Variants in GLTP observed in about 807,000 individuals in gnomAD.
GLTP encodes the protein glycolipid transfer protein.
Under a neutral mutation model 24.0 loss-of-function variants are expected in GLTP, and 22 were observed. The observed-to-expected ratio is 0.92, with a 90% CI of 0.65 to 1.31. The LOEUF is 1.31. Among genes scored for constraint, GLTP ranks in the 50% most tolerant of loss-of-function variants. The pLI is 0.00. For synonymous variants in GLTP, 92 were observed against 115.9 expected (o/e 0.79, Z 1.33); for missense variants, 224 against 276.6 (o/e 0.81, Z 1.35).
At chr12:109,852,814 G>A in intron 4 of GLTP, 77 bp from the exon 5 acceptor site, 1 of 902,444 alleles carries the variant, frequency 1.1e-6, no homozygotes, top group South Asian at 1.5e-5. Flanking sequence ...CAGGGTTCTG[G>A]GAGGGGTCTT....
At chr12:109,862,227 A>G (rs1868382865) in intron 1 of GLTP, among the ~76,000 whole-genome samples, 1 of 152,118 alleles carries the variant, frequency 6.6e-6, no homozygotes, top group Non-Finnish European at 1.5e-5. Flanking sequence ...CCTGCCAAGC[A>G]TCAATGGGGT....
intron 1 of GLTP, among the ~76,000 whole-genome samples, chr12:109,879,050 G>A (rs1284638237): frequency 6.6e-6 from 1 of 152,126 alleles, no homozygotes; most frequent in African/African-American, 2.4e-5. Flanking sequence ...CAGCATCCCC[G>A]TTTCACAGCT....
chr12:109,854,275 G>A (rs1382602210), intron 4 of GLTP, among the ~76,000 whole-genome samples: 7 of 149,914 alleles, frequency 4.7e-5, no homozygotes, highest in African/African-American at 1.7e-4. Context: ...CTGGAGAATC[G>A]CTTGAGCCTG....
intron 1 of GLTP, among the ~76,000 whole-genome samples, chr12:109,878,815 T>TA (rs1565901653): frequency 6.6e-6 from 1 of 152,142 alleles, no homozygotes; most frequent in African/African-American, 2.4e-5. Flanking sequence ...AGAGTGGATG[T>TA]AAAAAACCAA....
chr12:109,860,802 G>A (rs1361910046), intron 1 of GLTP, among the ~76,000 whole-genome samples: 2 of 152,210 alleles, frequency 1.3e-5, no homozygotes, highest in Non-Finnish European at 2.9e-5. Context: ...GCAGCCTGCT[G>A]CCTGCCTCTC....
chr12:109,860,241 G>A (rs1044841448), intron 1 of GLTP: 18 of 188,930 alleles, frequency 9.5e-5, no homozygotes, highest in African/African-American at 4.0e-4. Context: ...GCCTCCCAAA[G>A]TGCTGGGATT....
rs1343178973 is a variant in GLTP, at chr12:109,880,017, G to C, written c.103+255C>G. Among the ~76,000 whole-genome samples the C allele has an allele frequency of 2.6e-5, 4 of 151,986 alleles. No individual in the cohort carries two copies. The highest frequency in any genetic ancestry group is 5.9e-5 in the Non-Finnish European group (4 of 67,986). ...TCAGGGGGCATTTGGGGGATATGTA[G>C]GACTGTGAGGTGTCTAGGGAGAGGG... is the stretch of plus-strand genomic sequence containing the variant. On this transcript the variant is annotated intron_variant, in intron 1 of 4. Coordinates refer to ENST00000318348, the MANE Select transcript of GLTP (RefSeq NM_016433.4). The surrounding 1 kb of genome is among the most constrained non-coding windows in gnomAD (Gnocchi z 5.1).
intron 1 of GLTP, among the ~76,000 whole-genome samples, chr12:109,871,111 G>A (rs568365727): frequency 7.6e-6 from 1 of 131,722 alleles, no homozygotes; most frequent in Non-Finnish European, 1.6e-5. Flanking sequence ...TTTCTGAGAC[G>A]GACTCTCGCT....
At position 109,857,376 on chromosome 12, in the gene GLTP, G is replaced by T; in HGVS notation, c.296+150C>A. ...CACTGTCAGGCAAGCCCTGGCCATT[G>T]GGAGGCCTTTTCCCAGCCATTAACT... On this transcript the variant is annotated intron_variant, in intron 3 of 4. Coordinates refer to ENST00000318348, the MANE Select transcript of GLTP (RefSeq NM_016433.4). The surrounding 1 kb of genome is among the most constrained non-coding windows in gnomAD (Gnocchi z 4.3). 1.2e-6 allele frequency: 1 copy of T among 819,584 alleles called. No homozygotes were observed. Among genetic ancestry groups the T allele is most frequent in the Non-Finnish European group, 1.9e-6 (1 of 519,106 alleles). 50.8% of individuals were successfully genotyped at this position (819,584 alleles called of 1,614,324 possible).
rs1315489550 is a variant in GLTP, at chr12:109,851,288, G to A, written c.*1267C>T. On this transcript the variant is annotated 3_prime_UTR_variant, in exon 5 of 5. Transcript: ENST00000318348. Reference sequence around the variant, plus strand: ...GAGTCATCTATGGTCAATTGTTTGTGCCCTATAGCTTTGAAAGAAACGCCT... The same window carrying A: ...GAGTCATCTATGGTCAATTGTTTGTACCCTATAGCTTTGAAAGAAACGCCT... The A allele has an allele frequency of 6.6e-6, 1 of 152,350 alleles. No homozygotes were observed. The highest frequency in any genetic ancestry group is 2.4e-5 in the African/African-American group (1 of 41,402). 9.4% of individuals were successfully genotyped at this position (152,350 alleles called of 1,614,324 possible). A position where few individuals can be genotyped will look rare whatever the true frequency, so the allele number is the denominator to read the frequency against.
At chr12:109,869,878 T>C (rs1868666529) in intron 1 of GLTP, among the ~76,000 whole-genome samples, 1 of 151,892 alleles carries the variant, frequency 6.6e-6, no homozygotes, top group African/African-American at 2.4e-5. Flanking sequence ...CGCACCATTC[T>C]CCTGCCTCAG....
chr12:109,855,741 G>A lies in GLTP; in HGVS notation c.325C>T (p.Gln109Ter). 7 of 1,607,104 alleles carry A rather than the reference G, an allele frequency of 4.4e-6. No individual in the cohort carries two copies. The highest frequency in any genetic ancestry group is 5.1e-6 in the Non-Finnish European group (6 of 1,176,806). ...TCCCGCTCCCCGTCGCAGATGCTCTGGAGGAAGACCTGGATGAAGCGGAGG... is the reference window on the plus strand; with the variant it reads ...TCCCGCTCCCCGTCGCAGATGCTCTAGAGGAAGACCTGGATGAAGCGGAGG... ...RGLRFIQVFL[Q>*]SICDGERDEN... Residue 109 changes from glutamine to a stop codon, truncating the protein, a stop_gained, in exon 4 of 5, where the codon CAG becomes TAG. Coordinates refer to ENST00000318348, the MANE Select transcript of GLTP (RefSeq NM_016433.4). LOFTEE classifies it high-confidence loss of function. The surrounding 1 kb of genome is among the most constrained non-coding windows in gnomAD (Gnocchi z 4.1).
chr12:109,858,780 A>T, intron 1 of GLTP, 39 bp from the exon 2 acceptor site: 1 of 1,452,732 alleles, frequency 6.9e-7, no homozygotes, highest in Non-Finnish European at 9.7e-7. Flanking sequence ...GATTCGCAGC[A>T]AGAGTGATTT....
rs573518117 is a variant in GLTP at position 109,855,267 on chromosome 12, G to A, written c.447+352C>T. On this transcript the variant is annotated intron_variant, in intron 4 of 4. Coordinates refer to ENST00000318348, the MANE Select transcript of GLTP (RefSeq NM_016433.4). The surrounding 1 kb of genome is among the most constrained non-coding windows in gnomAD (Gnocchi z 4.1). ...TGAATTTGAGGGGTCGAATTGGAGGGGTAAATTTGAGGGGCCATCAGGCTG... is the reference window on the plus strand; with the variant it reads ...TGAATTTGAGGGGTCGAATTGGAGGAGTAAATTTGAGGGGCCATCAGGCTG... 1.1e-3 allele frequency among the ~76,000 whole-genome samples: 174 copies of A among 152,324 alleles called. No individual in the cohort carries two copies. The highest frequency in any genetic ancestry group is 4.0e-3 in the African/African-American group (165 of 41,572).
chr12:109,852,653 C>T lies in GLTP; in HGVS notation c.532G>A (p.Glu178Lys). 1.2e-6 allele frequency: 2 copies of T among 1,604,400 alleles called. No individual in the cohort carries two copies. Among genetic ancestry groups the T allele is most frequent in the Non-Finnish European group, 1.7e-6 (2 of 1,171,112 alleles). The change falls in exon 5 of 5, where the codon GAG becomes AAG. Residue 178 changes from glutamate to lysine, a missense_variant. Transcript: ENST00000318348. ...TTGACTAGGAAGAGGCGGATCTTCT[C>T]CAGGCACTCCTCCTCCGTAACATTC... is the stretch of plus-strand genomic sequence containing the variant. ...GQNVTEEECL[E>K]KIRLFLVNYT... is the part of the protein sequence containing the mutation.
chr12:109,879,144 G>A (rs1031077663), intron 1 of GLTP, among the ~76,000 whole-genome samples: 3 of 152,128 alleles, frequency 2.0e-5, no homozygotes, highest in Non-Finnish European at 4.4e-5. Flanking sequence ...GGACACTGTG[G>A]GAACTACCAC....
intron 1 of GLTP, chr12:109,860,319 G>A (rs1424797513): frequency 4.7e-6 from 1 of 214,782 alleles, no homozygotes; most frequent in Non-Finnish European, 1.0e-5. Flanking sequence ...GTTTTGCTTT[G>A]TTGGTAGCCT....
chr12:109,873,831 C>G (rs1868804453), intron 1 of GLTP, among the ~76,000 whole-genome samples: 1 of 152,080 alleles, frequency 6.6e-6, no homozygotes, highest in Non-Finnish European at 1.5e-5. Flanking sequence ...CACACACACA[C>G]ACACACACAA....
chr12:109,864,175 A>G (rs1342123784), intron 1 of GLTP, among the ~76,000 whole-genome samples: 1 of 152,190 alleles, frequency 6.6e-6, no homozygotes, highest in South Asian at 2.1e-4. Flanking sequence ...GGAGCCTAGC[A>G]GAAGAGAGGG....
Sources: gnomAD v4.1 joint callset for allele counts (sites outside exome capture counted in the v4.1 genomes callset) on GRCh38, gnomAD v4.1.1 for gene constraint, Gnocchi (gnomAD v3.1) non-coding constraint, MANE v1.5 for transcripts, NCBI Gene and HGNC (gene_info 2026-07-23, HGNC 2026-07-21) for gene names.